TBC1D5: variants seen among roughly 807,000 people sequenced by gnomAD.
TBC1D5 encodes TBC1 domain family member 5.
Under a neutral mutation model 100.3 loss-of-function variants are expected in TBC1D5, and 75 were observed. The observed-to-expected ratio is 0.75, with a 90% CI of 0.62 to 0.91. The LOEUF is 0.91. Among genes scored for constraint, TBC1D5 ranks in the 40% least tolerant of loss-of-function variants. The pLI, the probability that TBC1D5 is intolerant of heterozygous loss-of-function variation, is 0.00. For missense variants in TBC1D5, 910 were observed against 942.4 expected, an observed-to-expected ratio of 0.97 and a Z score of 0.45; for synonymous variants, 323 against 325.6, an observed-to-expected ratio of 0.99 and a Z score of 0.09.
At chr3:17,223,034 T>C (rs2074456044) in intron 17 of TBC1D5, among the ~76,000 whole-genome samples, 1 of 152,162 alleles carries the variant, frequency 6.6e-6, no homozygotes, top group Non-Finnish European at 1.5e-5. Flanking sequence ...TTGTCTTGAA[T>C]ATTTTCTGAA....
intron 3 of TBC1D5, among the ~76,000 whole-genome samples, chr3:17,497,786 A>G (rs2095732996): frequency 6.6e-6 from 1 of 152,344 alleles, no homozygotes. Flanking sequence ...GCCATGATAT[A>G]AAAGATTATT....
chr3:17,532,549 T>C (rs1464456559), intron 2 of TBC1D5, among the ~76,000 whole-genome samples: 16 of 152,232 alleles, frequency 1.1e-4, no homozygotes, highest in African/African-American at 1.4e-4. Flanking sequence ...ATGTTTATTG[T>C]GGCACTATTC....
At chr3:17,241,138 C>G (rs191251886) in intron 16 of TBC1D5, among the ~76,000 whole-genome samples, 102 of 152,134 alleles carry the variant, frequency 6.7e-4, no homozygotes, top group African/African-American at 2.4e-3. Flanking sequence ...GTAAGCCATA[C>G]AGAGAAAGCA....
At chr3:17,726,642 AT>A (rs1435637534) in intron 1 of TBC1D5, among the ~76,000 whole-genome samples, 1 of 152,132 alleles carries the variant, frequency 6.6e-6, no homozygotes. Flanking sequence ...GTTTAGAAAT[AT>A]TTCCCCCCAT....
intron 3 of TBC1D5, among the ~76,000 whole-genome samples, chr3:17,456,740 CA>C (rs930765012): frequency 6.6e-6 from 1 of 151,624 alleles, no homozygotes; most frequent in African/African-American, 2.4e-5. Flanking sequence ...GGAGGTTCCT[CA>C]AAAATCTAAA....
Position 17,225,120 on chromosome 3 carries a change from C to G in TBC1D5, c.1589-10750G>C, listed in dbSNP as rs976454465. On this transcript the variant is annotated intron_variant, in intron 17 of 21. Transcript: ENST00000253692. ...GTTCCACACCTGGATATTTAACCAACAGATCAAAAATACAAAAATATACAT... is the reference window on the plus strand; with the variant it reads ...GTTCCACACCTGGATATTTAACCAAGAGATCAAAAATACAAAAATATACAT... Among the ~76,000 whole-genome samples the G allele has an allele frequency of 1.6e-4, 24 of 152,026 alleles. 1 individual carries two copies. Among genetic ancestry groups the G allele is most frequent in the African/African-American group, 5.6e-4 (23 of 41,392 alleles).
intron 3 of TBC1D5, among the ~76,000 whole-genome samples, chr3:17,476,966 T>C (rs1197095871): frequency 1.3e-5 from 2 of 152,030 alleles, no homozygotes; most frequent in Non-Finnish European, 1.5e-5. Flanking sequence ...TAATAATTTA[T>C]GTGTAGATTT....
At chr3:17,418,810 T>C (rs1575809273) in intron 4 of TBC1D5, among the ~76,000 whole-genome samples, 1 of 152,148 alleles carries the variant, frequency 6.6e-6, no homozygotes, top group Non-Finnish European at 1.5e-5. Context: ...AATGGGAAAG[T>C]TGTCAAAATC....
At chr3:17,161,232 T>C in exon 22 of TBC1D5, 1 of 1,613,404 alleles carries the variant, frequency 6.2e-7, no homozygotes, top group Non-Finnish European at 8.5e-7. Flanking sequence ...CCTCTATCAG[T>C]GCACCCTGGC....
At chr3:17,195,339 T>TC (rs2070510148) in intron 18 of TBC1D5, among the ~76,000 whole-genome samples, 1 of 152,120 alleles carries the variant, frequency 6.6e-6, no homozygotes, top group Admixed American at 6.6e-5. Context: ...ACAAGGGTTT[T>TC]CCCCCTCCCC....
At chr3:17,157,695 G>C (rs1446845710) in exon 22 of TBC1D5, 1 of 152,192 alleles carries the variant, frequency 6.6e-6, no homozygotes, top group Non-Finnish European at 1.5e-5. Flanking sequence ...ATGAACCCTT[G>C]GAGCAGTTCC....
intron 2 of TBC1D5, among the ~76,000 whole-genome samples, chr3:17,516,369 A>T (rs2095987850): frequency 6.6e-6 from 1 of 152,196 alleles, no homozygotes; most frequent in South Asian, 2.1e-4. Context: ...TTTCCTATTT[A>T]CATAAATTTA....
chr3:17,322,834 A>G (rs531868032), intron 13 of TBC1D5, among the ~76,000 whole-genome samples: 2 of 152,354 alleles, frequency 1.3e-5, no homozygotes, highest in Admixed American at 1.3e-4. Flanking sequence ...TCAAGGTTTT[A>G]TAATGTTGGG....
chr3:17,283,135 G>C (rs1312744657), intron 15 of TBC1D5, among the ~76,000 whole-genome samples: 1 of 152,192 alleles, frequency 6.6e-6, no homozygotes, highest in Non-Finnish European at 1.5e-5. Context: ...GAAACTTTCT[G>C]ACCATTTAAG....
chr3:17,696,191 T>A, intron 1 of TBC1D5, among the ~76,000 whole-genome samples: 1 of 149,970 alleles, frequency 6.7e-6, no homozygotes, highest in Non-Finnish European at 1.5e-5. Flanking sequence ...TTAAAAGAAA[T>A]AGAGAAGGAA....
intron 2 of TBC1D5, among the ~76,000 whole-genome samples, chr3:17,592,312 A>G (rs1336618137): frequency 6.6e-6 from 1 of 152,212 alleles, no homozygotes; most frequent in Non-Finnish European, 1.5e-5. Context: ...GGATCCAGCG[A>G]GAAAGAAGTA....
intron 1 of TBC1D5, among the ~76,000 whole-genome samples, chr3:17,654,388 T>C (rs2065862124): frequency 6.6e-6 from 1 of 152,170 alleles, no homozygotes; most frequent in Admixed American, 6.5e-5. Flanking sequence ...ATAAAGTTCT[T>C]AGTTGCCATG....
chr3:17,352,770 T>C (rs2090779643), intron 13 of TBC1D5, among the ~76,000 whole-genome samples: 2 of 151,510 alleles, frequency 1.3e-5, no homozygotes, highest in South Asian at 2.1e-4. Flanking sequence ...ATAGTAATTA[T>C]GGATCTTGCA....
intron 8 of TBC1D5, among the ~76,000 whole-genome samples, chr3:17,397,548 T>A (rs543516712): frequency 1.3e-5 from 2 of 152,240 alleles, no homozygotes; most frequent in African/African-American, 4.8e-5. Flanking sequence ...ATGGCTAATT[T>A]CTGTGTTTTC....
Sources: allele counts gnomAD v4.1 joint callset (sites outside exome capture counted in the v4.1 genomes callset), GRCh38; gene constraint gnomAD v4.1.1; transcripts MANE v1.5; gene names NCBI Gene and HGNC (gene_info 2026-07-23, HGNC 2026-07-21).